The following TMED5 variants were observed in gnomAD, a reference collection of about 807,000 sequenced individuals.
The protein encoded by TMED5 is transmembrane emp24 domain-containing protein 5.
A neutral mutation model predicts 23.0 loss-of-function variants in TMED5; 27 were observed. The observed-to-expected ratio is 1.17, with a 90% CI of 0.86 to 1.62. The LOEUF is 1.62. Among genes scored for constraint, TMED5 ranks in the 40% most tolerant of loss-of-function variants. TMED5 has a pLI of 0.00. For missense variants in TMED5, 248 were observed against 273.7 expected, an observed-to-expected ratio of 0.91 and a Z score of 0.66; for synonymous variants, 97 against 100.8, an observed-to-expected ratio of 0.96 and a Z score of 0.23.
chr1:93,156,187 T>C, intron 3 of TMED5, 113 bp downstream of exon 3: 2 of 1,187,772 alleles, frequency 1.7e-6, no homozygotes, highest in African/African-American at 1.6e-5. Flanking sequence ...AATAAAATAT[T>C]AGAAACAGAT....
chr1:93,159,841 G>A (rs1324327642), intron 2 of TMED5, among the ~76,000 whole-genome samples: 2 of 152,154 alleles, frequency 1.3e-5, no homozygotes, highest in Non-Finnish European at 2.9e-5. Flanking sequence ...CCAGAAGGCA[G>A]GTTTAAAATG....
At position 93,170,989 on chromosome 1, in the gene TMED5, A is replaced by T. The variant is rs542033350; in HGVS notation, c.189+9065T>A. 3.9e-5 allele frequency among the ~76,000 whole-genome samples: 6 copies of T among 152,130 alleles called. No homozygotes were observed. In the East Asian group the frequency reaches 1.2e-3, roughly 29 times the overall value. ...TAAGAGAATTAAAGCAGGCTGCCTC[A>T]GCCAGCAGTGGCAACCTGCTGGGGT... On this transcript the variant is annotated intron_variant, in intron 1 of 3. Transcript: ENST00000370282.
chr1:93,157,779 C>T (rs1648125316), intron 2 of TMED5, among the ~76,000 whole-genome samples: 1 of 152,104 alleles, frequency 6.6e-6, no homozygotes. Flanking sequence ...ATGTTTGCTG[C>T]TCTTACAAAA....
rs1647982673 is a variant in TMED5 at position 93,154,442 on chromosome 1, G to A, written c.*228C>T. 1 of 525,870 alleles carries A rather than the reference G, an allele frequency of 1.9e-6. No individual in the cohort carries two copies. Among genetic ancestry groups the A allele is most frequent in the Non-Finnish European group, 3.3e-6 (1 of 299,486 alleles). 32.6% of individuals were successfully genotyped at this position (525,870 alleles called of 1,614,324 possible). On this transcript the variant is annotated 3_prime_UTR_variant, in exon 4 of 4. Transcript: ENST00000370282. ...GCAGTTATTAATATGGCTTCATTCA[G>A]TTAAACCTATATTCTGCAAAATATT... is the stretch of plus-strand genomic sequence containing the variant.
At chr1:93,160,430 C>T (rs1425666051) in intron 1 of TMED5, 5 of 421,000 alleles carry the variant, frequency 1.2e-5, no homozygotes, top group Non-Finnish European at 2.1e-5. Context: ...ACCCATTTCT[C>T]TCACCATCAC....
At chr1:93,159,051 T>C (rs1317062557) in intron 2 of TMED5, among the ~76,000 whole-genome samples, 1 of 152,208 alleles carries the variant, frequency 6.6e-6, no homozygotes, top group East Asian at 1.9e-4. Context: ...AAAAAATTAT[T>C]GTTGAGACAT....
At chr1:93,167,278 T>C (rs1157793442) in intron 1 of TMED5, among the ~76,000 whole-genome samples, 1 of 152,210 alleles carries the variant, frequency 6.6e-6, no homozygotes, top group Non-Finnish European at 1.5e-5. Context: ...ATTTTTAAAT[T>C]GTTTTTTCTA....
intron 1 of TMED5, among the ~76,000 whole-genome samples, chr1:93,179,472 A>G (rs897347913): frequency 4.6e-5 from 7 of 152,228 alleles, no homozygotes; most frequent in African/African-American, 1.7e-4. Context: ...TGATCTTTTG[A>G]AAATAATGGA....
At chr1:93,161,521 G>A (rs1434743738) in intron 1 of TMED5, 1 of 152,178 alleles carries the variant, frequency 6.6e-6, no homozygotes, top group Non-Finnish European at 1.5e-5. Context: ...GGAACACTAA[G>A]CATGTAGGAG....
chr1:93,174,970 T>C (rs964250489), intron 1 of TMED5, among the ~76,000 whole-genome samples: 3 of 151,044 alleles, frequency 2.0e-5, no homozygotes, highest in Admixed American at 6.6e-5. Context: ...TGTGTCTTTA[T>C]GGTAGAATGA....
intron 1 of TMED5, among the ~76,000 whole-genome samples, chr1:93,172,530 C>T (rs1393796837): frequency 1.3e-5 from 2 of 151,996 alleles, no homozygotes; most frequent in African/African-American, 4.8e-5. Context: ...ATCTATAATC[C>T]CAGTAATCCC....
chr1:93,167,767 G>A (rs1339141603), intron 1 of TMED5, among the ~76,000 whole-genome samples: 2 of 152,002 alleles, frequency 1.3e-5, no homozygotes, highest in African/African-American at 4.8e-5. Context: ...TCTGACTGCT[G>A]TAGCTAGGAC....
chr1:93,156,421 T>G lies in TMED5; in HGVS notation c.350A>C (p.Glu117Ala), dbSNP rs1648076818. 6.2e-7 allele frequency: 1 copy of G among 1,613,946 alleles called. No homozygotes were observed. Residue 117 changes from glutamate to alanine, a missense_variant, in exon 3 of 4, where the codon GAG becomes GCG. Physicochemically the swap from Glu to Ala is moderately radical, Grantham distance 107. Coordinates refer to ENST00000370282, the MANE Select transcript of TMED5 (RefSeq NM_016040.5). Reference sequence around the variant, plus strand: ...GATTAATTCAAAGAAAATCACCTTCTCAGAAATGGTGCTGAATGTATTGTC... The same window carrying G: ...GATTAATTCAAAGAAAATCACCTTCGCAGAAATGGTGCTGAATGTATTGTC... ...CFDNTFSTISEKVIFFELILD... is the reference protein window; with the variant it reads ...CFDNTFSTISAKVIFFELILD...
chr1:93,157,482 C>T (rs372434749), intron 2 of TMED5, among the ~76,000 whole-genome samples: 31 of 152,096 alleles, frequency 2.0e-4, no homozygotes, highest in East Asian at 3.9e-4. Flanking sequence ...ACAATCACAG[C>T]GCTTTGGGAG....
intron 1 of TMED5, among the ~76,000 whole-genome samples, chr1:93,170,948 T>C (rs1389784753): frequency 6.6e-6 from 1 of 152,102 alleles, no homozygotes; most frequent in Non-Finnish European, 1.5e-5. Flanking sequence ...ATCAGCGAAA[T>C]GTGGGTGGGG....
chr1:93,177,447 A>G (rs1648955151), intron 1 of TMED5, among the ~76,000 whole-genome samples: 1 of 151,924 alleles, frequency 6.6e-6, no homozygotes, highest in African/African-American at 2.4e-5. Flanking sequence ...GTGTGGTGGC[A>G]CATGCCTGTA....
chr1:93,156,623 G>C, intron 2 of TMED5, 140 bp from the exon 3 acceptor site: 1 of 650,440 alleles, frequency 1.5e-6, no homozygotes, highest in Non-Finnish European at 2.6e-6. Context: ...GGGCAAGGCT[G>C]GTAGATCACT....
rs772994002 is a variant in TMED5 at position 93,168,191 on chromosome 1, C to T, written c.190-7965G>A. ...AGAAAGTAGAATTATATAAAATGTT[C>T]AGTAAAAACCAGAGAAGGCAGAAAA... On this transcript the variant is annotated intron_variant, in intron 1 of 3. Transcript: ENST00000370282. Among the ~76,000 whole-genome samples the T allele has an allele frequency of 3.8e-4, 58 of 151,706 alleles. 1 individual carries two copies. Among genetic ancestry groups the T allele is most frequent in the Non-Finnish European group, 1.0e-4 (7 of 67,934 alleles).
At chr1:93,161,387 T>A (rs770624961) in intron 1 of TMED5, 2 of 152,214 alleles carry the variant, frequency 1.3e-5, no homozygotes, top group Admixed American at 1.3e-4. Flanking sequence ...GCCTCTAGAA[T>A]AATTTTTAAT....
Sources: allele counts gnomAD v4.1 joint callset (sites outside exome capture counted in the v4.1 genomes callset), GRCh38; gene constraint gnomAD v4.1.1; transcripts MANE v1.5; gene names NCBI Gene and HGNC (gene_info 2026-07-23, HGNC 2026-07-21).